Variants in DIS3 observed in about 807,000 individuals in gnomAD.
The protein encoded by DIS3 is exosome complex exonuclease RRP44.
Under a neutral mutation model 113.0 loss-of-function variants are expected in DIS3, and 103 were observed. The ratio of observed to expected loss-of-function variants is 0.91; its 90% CI spans 0.78 to 1.07. DIS3 has a LOEUF of 1.07. Ranked by LOEUF, DIS3 falls within the 50% of genes least tolerant of loss-of-function variation. The pLI is 0.00. For synonymous variants in DIS3, 402 were observed against 394.3 expected, an observed-to-expected ratio of 1.02 and a Z score of -0.23; for missense variants, 1,121 against 1,167.1, an observed-to-expected ratio of 0.96 and a Z score of 0.58.
chr13:72,763,450 C>G lies in DIS3; in HGVS notation c.2127+1G>C. ...TGATTTTTCAAACTGTAGGACCTTA[C>G]CCTTGACCTGGCTGCCTTAACAAGA... is the stretch of plus-strand genomic sequence containing the variant. On this transcript the variant is annotated splice_donor_variant, in intron 16 of 20. Transcript: ENST00000377767. LOFTEE classifies it high-confidence loss of function. 6.2e-7 allele frequency: 1 copy of G among 1,612,338 alleles called. No homozygotes were observed. The highest frequency in any genetic ancestry group is 8.5e-7 in the Non-Finnish European group (1 of 1,179,510).
In DIS3 at chr13:72,763,623, G is replaced by A. The variant is rs749421636; in HGVS notation, c.1971-16C>T. On this transcript the variant is annotated splice_polypyrimidine_tract_variant and intron_variant, in intron 15 of 20. Transcript: ENST00000377767. ...ATTTGTTTCCCTGCCAATGGAAAAA[G>A]CATTAAACAAACAAAAAAGAGAATC... The A allele has an allele frequency of 6.3e-6, 10 of 1,599,078 alleles. No individual in the cohort carries two copies. In the African/African-American group the frequency reaches 1.2e-4, roughly 19 times the overall value.
At chr13:72,777,622 C>G in intron 3 of DIS3, 129 bp from the exon 4 acceptor site, 1 of 790,692 alleles carries the variant, frequency 1.3e-6, no homozygotes, top group Non-Finnish European at 2.1e-6. Context: ...GAGTCTCACT[C>G]TGTCTCTCAG....
intron 9 of DIS3, among the ~76,000 whole-genome samples, 175 bp from the exon 10 acceptor site, chr13:72,772,450 TA>T (rs1464830259): frequency 6.6e-6 from 1 of 152,230 alleles, no homozygotes; most frequent in Non-Finnish European, 1.5e-5. Context: ...GTATGATTTG[TA>T]ACTAATGGTT....
intron 5 of DIS3, 31 bp downstream of exon 5, chr13:72,775,894 T>C: frequency 6.6e-7 from 1 of 1,517,842 alleles, no homozygotes; most frequent in Non-Finnish European, 8.9e-7. Context: ...ATCTTTATTT[T>C]AGTGTATAAG....
At position 72,759,500 on chromosome 13, in the gene DIS3, T is replaced by A. The variant is rs41286056; in HGVS notation, c.*295A>T. ...AAAATTAATCTGCTCCTCAATGAGA[T>A]GAGCACTCCATTTAAATGATCTTTA... On this transcript the variant is annotated 3_prime_UTR_variant, in exon 21 of 21. Coordinates refer to ENST00000377767, the MANE Select transcript of DIS3 (RefSeq NM_014953.5). 2,274 of 270,040 alleles carry A rather than the reference T, an allele frequency of 8.4e-3. 23 individuals are homozygous for A. The highest frequency in any genetic ancestry group is 0.012 in the Non-Finnish European group (1,771 of 143,248). 16.7% of individuals were successfully genotyped at this position (270,040 alleles called of 1,614,324 possible). A position where few individuals can be genotyped will look rare whatever the true frequency, so the allele number is the denominator to read the frequency against.
chr13:72,775,904 G>A lies in DIS3; in HGVS notation c.822+21C>T, dbSNP rs769370610. Reference sequence around the variant, plus strand: ...ATATCATCTTTATTTTAGTGTATAAGGAATTTATTTATATACTTGCCTCTT... The same window carrying A: ...ATATCATCTTTATTTTAGTGTATAAAGAATTTATTTATATACTTGCCTCTT... On this transcript the variant is annotated intron_variant, in intron 5 of 20. Transcript: ENST00000377767. The A allele has an allele frequency of 4.5e-6, 7 of 1,566,880 alleles. No homozygotes were observed. In the African/African-American group the frequency reaches 8.2e-5, roughly 18 times the overall value.
In DIS3 at chr13:72,778,320, A is replaced by C. The variant is rs371321058; in HGVS notation, c.447T>G (p.Ile149Met). Reference sequence around the variant, plus strand: ...CATTGTACCATTTTGCTGCTACTCGAATCGCTCTATCATTCCTGTCATTAG... The same window carrying C: ...CATTGTACCATTTTGCTGCTACTCGCATCGCTCTATCATTCCTGTCATTAG... Reference protein sequence around the residue: ...ENANDRNDRAIRVAAKWYNEH... With the variant: ...ENANDRNDRAMRVAAKWYNEH... Residue 149 changes from isoleucine to methionine, a missense_variant, in exon 3 of 21, where the codon ATT becomes ATG. Coordinates refer to ENST00000377767, the MANE Select transcript of DIS3 (RefSeq NM_014953.5). The C allele has an allele frequency of 1.9e-6, 3 of 1,602,842 alleles. No homozygotes were observed. The African/African-American group carries it at 4.0e-5, about 21-fold the overall frequency.
chr13:72,768,780 T>C lies in DIS3; in HGVS notation c.1883+5A>G, dbSNP rs376122123. On this transcript the variant is annotated splice_donor_5th_base_variant and intron_variant, in intron 14 of 20. Transcript: ENST00000377767. ...TATCTTAATACTATGAAAAACAAAATATACCCTTTTTCAATCCTTCTTTTC... is the reference window on the plus strand; with the variant it reads ...TATCTTAATACTATGAAAAACAAAACATACCCTTTTTCAATCCTTCTTTTC... 1.3e-6 allele frequency: 2 copies of C among 1,590,054 alleles called. No homozygotes were observed. The highest frequency in any genetic ancestry group is 8.6e-7 in the Non-Finnish European group (1 of 1,167,244).
chr13:72,778,685 A>G (rs2034080602), intron 2 of DIS3, among the ~76,000 whole-genome samples: 1 of 152,202 alleles, frequency 6.6e-6, no homozygotes. Context: ...TTGAGACACT[A>G]AATAATAGTT....
chr13:72,759,769 T>C lies in DIS3; in HGVS notation c.*26A>G. On this transcript the variant is annotated 3_prime_UTR_variant, in exon 21 of 21. Coordinates refer to ENST00000377767, the MANE Select transcript of DIS3 (RefSeq NM_014953.5). ...TTTTTTCTTTTAAAAAAGAAACCAG[T>C]CTTTGAAGATTTTTGTTGAATATAG... 1.2e-5 allele frequency: 19 copies of C among 1,586,690 alleles called. No homozygotes were observed. The highest frequency in any genetic ancestry group is 1.6e-5 in the Non-Finnish European group (19 of 1,160,758).
In DIS3 at chr13:72,761,680, T is replaced by C. The variant is rs904553704; in HGVS notation, c.2477A>G (p.Tyr826Cys). The C allele has an allele frequency of 8.7e-6, 14 of 1,612,860 alleles. No individual in the cohort carries two copies. The highest frequency in any genetic ancestry group is 1.2e-5 in the Non-Finnish European group (14 of 1,179,702). ...NLNFRHKMAQ[Y>C]AQRASVAFHT... The stretch of plus-strand genomic sequence containing the variant: ...AAAAGCCACTGATGCACGTTGGGCA[T>C]ATTGAGCCATTTTGTGCCGGAAATT... Residue 826 changes from tyrosine to cysteine, a missense_variant, in exon 18 of 21, where the codon TAT (tyrosine) becomes TGT (cysteine). Tyr to Cys is a radical substitution (Grantham distance 194). Coordinates refer to ENST00000377767, the MANE Select transcript of DIS3 (RefSeq NM_014953.5).
chr13:72,761,407 C>T lies in DIS3; in HGVS notation c.2626G>A (p.Glu876Lys), dbSNP rs1438253366. The T allele has an allele frequency of 3.1e-6, 5 of 1,608,496 alleles. No homozygotes were observed. The highest frequency in any genetic ancestry group is 3.4e-6 in the Non-Finnish European group (4 of 1,178,798). Residue 876 changes from glutamate (E) to lysine (K), a missense_variant, in exon 19 of 21, where the codon GAA becomes AAA. Coordinates refer to ENST00000377767, the MANE Select transcript of DIS3 (RefSeq NM_014953.5). The stretch of plus-strand genomic sequence containing the variant: ...TGTGGGTTTGGTTTGTCCTTTTCTT[C>T]AAAAAAGACTGTCCCTTCTAAACCA... ...KYGLEGTVFF[E>K]EKDKPNPQLI...
chr13:72,760,243 T>C (rs2138146880), intron 20 of DIS3, among the ~76,000 whole-genome samples: 1 of 152,256 alleles, frequency 6.6e-6, no homozygotes, highest in African/African-American at 2.4e-5. Flanking sequence ...CACCTACACT[T>C]CATCTTCAAA....
chr13:72,772,850 G>C lies in DIS3; in HGVS notation c.1240-11C>G. 1 of 1,580,754 alleles carries C rather than the reference G, an allele frequency of 6.3e-7. No individual in the cohort carries two copies. Among genetic ancestry groups the C allele is most frequent in the Non-Finnish European group, 8.6e-7 (1 of 1,167,764 alleles). ...TCTCACAAAGTGTCCCTGAAACCAA[G>C]AGGCATTATTAGAAACGCCTATTTT... On this transcript the variant is annotated splice_polypyrimidine_tract_variant and intron_variant, in intron 8 of 20. Transcript: ENST00000377767.
At position 72,772,765 on chromosome 13, in the gene DIS3, ATCGTGT is replaced by A. The variant is rs770432776; in HGVS notation, c.1308_1313del (p.Glu436_His437del). The A allele has an allele frequency of 1.4e-5, 23 of 1,613,498 alleles. No homozygotes were observed. In the African/African-American group the frequency reaches 3.1e-4, roughly 22 times the overall value. On this transcript the variant is annotated inframe_deletion, in exon 9 of 21. Transcript: ENST00000377767. ...CCTGTGAAAAAGGCTGATGGGGAAC[ATCGTGT>A]TCAAGTAACAAAACTTCTGTTTCAG...
intron 20 of DIS3, 89 bp from the exon 21 acceptor site, chr13:72,759,967 A>G (rs2033585518): frequency 9.5e-7 from 1 of 1,055,100 alleles, no homozygotes; most frequent in Non-Finnish European, 1.4e-6. Flanking sequence ...TGCCAGCTTC[A>G]AATTTAAAAG....
intron 5 of DIS3, 40 bp downstream of exon 5, chr13:72,775,885 T>C (rs2034002933): frequency 4.8e-6 from 7 of 1,454,656 alleles, no homozygotes; most frequent in Non-Finnish European, 5.6e-6. Flanking sequence ...TAAAATATCA[T>C]CTTTATTTTA....
chr13:72,761,500 T>C lies in DIS3; in HGVS notation c.2533A>G (p.Ile845Val), dbSNP rs35036619. Reference sequence around the variant, plus strand: ...AAAATATAGGCTTCTTCACTTACTATTCCTTTGCTTTTGAAGAATAACTGT... The same window carrying C: ...AAAATATAGGCTTCTTCACTTACTACTCCTTTGCTTTTGAAGAATAACTGT... ...HTQLFFKSKG[I>V]VSEEAYILFV... The change falls in exon 19 of 21, where the codon ATA becomes GTA. Residue 845 changes from isoleucine (I) to valine (V), a missense_variant. Around this residue, in one of 3 missense-constraint regions of DIS3, gnomAD observed 861 missense variants for 915.5 expected, o/e 0.94. Transcript: ENST00000377767. 2,414 of 1,585,140 alleles carry C rather than the reference T, an allele frequency of 1.5e-3. 40 individuals are homozygous for C. In the African/African-American group the frequency reaches 0.03, roughly 20 times the overall value.
In DIS3 at chr13:72,752,663, A is replaced by C. The variant is rs990345196; in HGVS notation, c.*7132T>G. On this transcript the variant is annotated 3_prime_UTR_variant, in exon 21 of 21. Transcript: ENST00000377767. ...TGATAGCAGAACAAGGCTTTTCCCC[A>C]AAAATGTTACACATCACAAGGCTTT... 7 of 152,336 alleles carry C rather than the reference A, an allele frequency of 4.6e-5. No homozygotes were observed. Among genetic ancestry groups the C allele is most frequent in the East Asian group, 3.9e-4 (2 of 5,190 alleles). 9.4% of individuals were successfully genotyped at this position (152,336 alleles called of 1,614,324 possible).
Sources: allele counts gnomAD v4.1 joint callset (sites outside exome capture counted in the v4.1 genomes callset), GRCh38; gene constraint gnomAD v4.1.1; regional missense constraint gnomAD v4.1.1; transcripts MANE v1.5; gene names NCBI Gene and HGNC (gene_info 2026-07-23, HGNC 2026-07-21).